Variants in CNTN6 observed in about 807,000 individuals in gnomAD.
CNTN6 encodes contactin-6.
A neutral mutation model predicts 122.8 loss-of-function variants in CNTN6; 137 were observed. The observed-to-expected ratio is 1.12, with a 90% confidence interval of 0.97 to 1.29. The LOEUF is 1.29. CNTN6 is among the 50% of genes most tolerant of loss of function. The pLI is 0.00. For synonymous variants in CNTN6, 570 were observed against 426.0 expected, an observed-to-expected ratio of 1.34 and a Z score of -4.16; for missense variants, 1,634 against 1,223.4, an observed-to-expected ratio of 1.34 and a Z score of -5.01.
chr3:1,314,102 T>A (rs1349485283), intron 7 of CNTN6, among the ~76,000 whole-genome samples: 1 of 152,082 alleles, frequency 6.6e-6, no homozygotes, highest in African/African-American at 2.4e-5. Context: ...TTTACACCAC[T>A]CAGAGTAAAA....
At chr3:1,194,663 C>T (rs961207197) in intron 2 of CNTN6, among the ~76,000 whole-genome samples, 1 of 151,972 alleles carries the variant, frequency 6.6e-6, no homozygotes, top group Admixed American at 6.6e-5. Context: ...TTTGATACTG[C>T]ATTTGTATTG....
chr3:1,109,190 GGGGCTC>G (rs1225973599), intron 1 of CNTN6, among the ~76,000 whole-genome samples: 1 of 152,050 alleles, frequency 6.6e-6, no homozygotes, highest in Admixed American at 6.6e-5. Flanking sequence ...GATGAGCACT[GGGGCTC>G]TAAGGGGATT....
chr3:1,151,012 G>C (rs72999807), intron 2 of CNTN6, among the ~76,000 whole-genome samples: 16,107 of 152,120 alleles, frequency 0.11, 1,124 homozygotes, highest in East Asian at 0.29. Flanking sequence ...CAGGGGGACA[G>C]ATTCTCCCCT....
intron 2 of CNTN6, among the ~76,000 whole-genome samples, chr3:1,187,201 A>G (rs2093640325): frequency 6.6e-6 from 1 of 152,148 alleles, no homozygotes; most frequent in African/African-American, 2.4e-5. Context: ...TTGGGAGGCA[A>G]GCAACTCAAA....
In CNTN6 at chr3:1,389,085, A is replaced by T. The variant is rs1425646867; in HGVS notation, c.2704+3288A>T. 2.7e-5 allele frequency among the ~76,000 whole-genome samples: 4 copies of T among 145,916 alleles called. No homozygotes were observed. In the East Asian group the frequency reaches 8.0e-4, roughly 29 times the overall value. On this transcript the variant is annotated intron_variant, in intron 20 of 22. Coordinates refer to ENST00000446702, the MANE Select transcript of CNTN6 (RefSeq NM_001289080.2). ...GAACGCCACAAAGATACTCCTCGAG[A>T]AGAGCAACTCCAAGACACATAATTG... is the stretch of plus-strand genomic sequence containing the variant.
chr3:1,203,656 T>C (rs1472314166), intron 2 of CNTN6, among the ~76,000 whole-genome samples: 1 of 152,216 alleles, frequency 6.6e-6, no homozygotes, highest in Non-Finnish European at 1.5e-5. Flanking sequence ...GTTGATGGAC[T>C]GGCATGCTTA....
intron 1 of CNTN6, among the ~76,000 whole-genome samples, chr3:1,101,345 T>C (rs980876775): frequency 6.6e-6 from 1 of 152,206 alleles, no homozygotes; most frequent in Non-Finnish European, 1.5e-5. Flanking sequence ...CTCTGAGGGC[T>C]TACCTCTTTA....
rs773978328 is a variant in CNTN6, at chr3:1,327,491, T to G, written c.1118T>G (p.Ile373Arg). The change falls in exon 10 of 23, where the codon ATA becomes AGA. Residue 373 changes from isoleucine (I) to arginine (R), a missense_variant. Coordinates refer to ENST00000446702, the MANE Select transcript of CNTN6 (RefSeq NM_001289080.2). ...RIQIENGTLIITMLNVSDSGV... is the reference protein window; with the variant it reads ...RIQIENGTLIRTMLNVSDSGV... ...CAAATAGAAAATGGGACACTCATCA[T>G]AACGATGCTGAATGTGTCAGATTCT... is the stretch of plus-strand genomic sequence containing the variant. 4 of 1,610,858 alleles carry G rather than the reference T, an allele frequency of 2.5e-6. No individual in the cohort carries two copies. The South Asian group carries it at 3.3e-5, about 13-fold the overall frequency.
At chr3:1,369,999 A>G (rs191151028) in intron 12 of CNTN6, among the ~76,000 whole-genome samples, 1 of 152,242 alleles carries the variant, frequency 6.6e-6, no homozygotes, top group East Asian at 1.9e-4. Context: ...AAGTATATAA[A>G]GTAATAATGA....
At chr3:1,185,985 T>G (rs941820410) in intron 2 of CNTN6, among the ~76,000 whole-genome samples, 1 of 152,170 alleles carries the variant, frequency 6.6e-6, no homozygotes, top group Non-Finnish European at 1.5e-5. Flanking sequence ...ATTCACCTAC[T>G]ACATCCAAAA....
chr3:1,391,831 A>C (rs1694198877), intron 20 of CNTN6, among the ~76,000 whole-genome samples: 1 of 151,842 alleles, frequency 6.6e-6, no homozygotes, highest in Admixed American at 6.6e-5. Context: ...TAAAATACCT[A>C]GGAATCCAAC....
Position 1,329,827 on chromosome 3 carries a change from C to A in CNTN6, c.1256C>A (p.Ser419Tyr), listed in dbSNP as rs575054347. ...DFSKSPVKKK[S>Y]FVQVGGDIVI... ...TCCAAAAGTCCAGTTAAAAAAAAGT[C>A]TTTTGTTCAAGTTGGTGGGGATATT... The change falls in exon 11 of 23, where the codon TCT becomes TAT. Residue 419 changes from serine to tyrosine, a missense_variant. Coordinates refer to ENST00000446702, the MANE Select transcript of CNTN6 (RefSeq NM_001289080.2). 1.3e-4 allele frequency: 211 copies of A among 1,608,868 alleles called. No individual in the cohort carries two copies. In the South Asian group the frequency reaches 2.2e-3, roughly 17 times the overall value.
intron 7 of CNTN6, among the ~76,000 whole-genome samples, chr3:1,300,742 C>G (rs1053928710): frequency 6.6e-6 from 1 of 152,048 alleles, no homozygotes; most frequent in East Asian, 1.9e-4. Context: ...ACACGGACAT[C>G]ATATACTCTA....
chr3:1,132,399 A>G (rs2171764), intron 1 of CNTN6, among the ~76,000 whole-genome samples: 103,158 of 151,798 alleles, frequency 0.68, 36,093 homozygotes, highest in African/African-American at 0.85. Flanking sequence ...AAAATCAGTT[A>G]TCTCATTGAT....
chr3:1,299,093 T>A (rs1327575905), intron 7 of CNTN6, among the ~76,000 whole-genome samples: 1 of 152,186 alleles, frequency 6.6e-6, no homozygotes, highest in Non-Finnish European at 1.5e-5. Context: ...CTCAGAATAG[T>A]CATTTCTCAT....
intron 4 of CNTN6, among the ~76,000 whole-genome samples, chr3:1,239,179 A>G (rs1482317102): frequency 2.6e-5 from 4 of 152,162 alleles, no homozygotes; most frequent in Non-Finnish European, 4.4e-5. Context: ...AGCATTCAGA[A>G]AAGAGAAAGA....
chr3:1,387,387 A>G (rs73817017), intron 20 of CNTN6, among the ~76,000 whole-genome samples: 1 of 152,216 alleles, frequency 6.6e-6, no homozygotes, highest in African/African-American at 2.4e-5. Flanking sequence ...AGTTGTTGCC[A>G]GATAACTTGG....
intron 2 of CNTN6, among the ~76,000 whole-genome samples, chr3:1,170,711 T>A (rs2093344258): frequency 6.6e-6 from 1 of 152,196 alleles, no homozygotes; most frequent in South Asian, 2.1e-4. Context: ...CCTCTGAATT[T>A]TTTCCTCCTT....
chr3:1,262,876 A>C (rs2094869816), intron 4 of CNTN6, among the ~76,000 whole-genome samples: 1 of 152,078 alleles, frequency 6.6e-6, no homozygotes, highest in Non-Finnish European at 1.5e-5. Flanking sequence ...TGAAGATTAA[A>C]TGTAAATATA....
Sources: gnomAD v4.1 joint callset for allele counts (sites outside exome capture counted in the v4.1 genomes callset) on GRCh38, gnomAD v4.1.1 for gene constraint, MANE v1.5 for transcripts, NCBI Gene and HGNC (gene_info 2026-07-23, HGNC 2026-07-21) for gene names.